The following HNRNPA3 variants were observed in gnomAD, a reference collection of about 807,000 sequenced individuals.
HNRNPA3 encodes heterogeneous nuclear ribonucleoprotein A3, also known as epididymis secretory sperm binding protein.
In HNRNPA3, 3 loss-of-function variants were observed where a neutral mutation model predicts 45.8. The ratio of observed to expected loss-of-function variants is 0.07; its 90% CI spans 0.03 to 0.17. The LOEUF is 0.17. HNRNPA3 is among the 10% of genes least tolerant of loss of function. The pLI, the probability that HNRNPA3 is intolerant of heterozygous loss-of-function variation, is 1.00. For missense variants in HNRNPA3, 183 were observed against 480.3 expected (o/e 0.38, Z 5.79); for synonymous variants, 170 against 155.6 (o/e 1.09, Z -0.69).
In HNRNPA3 at chr2:177,215,911, C is replaced by A. The variant is rs781759160; in HGVS notation, c.342+15C>A. 6.3e-7 allele frequency: 1 copy of A among 1,596,706 alleles called. No homozygotes were observed. The highest frequency in any genetic ancestry group is 1.1e-5 in the South Asian group (1 of 87,402). On this transcript the variant is annotated intron_variant, in intron 3 of 10. Transcript: ENST00000392524. ...TTTCTAGAGAGGTATTTTAATAATACATTGTGTAATATGTGAAATTGTTGT... is the reference window on the plus strand; with the variant it reads ...TTTCTAGAGAGGTATTTTAATAATAAATTGTGTAATATGTGAAATTGTTGT...
At chr2:177,212,964 C>G (rs1165951377) in intron 1 of HNRNPA3, 93 bp downstream of exon 1, 6 of 826,142 alleles carry the variant, frequency 7.3e-6, no homozygotes, top group African/African-American at 5.4e-5. Flanking sequence ...CCGGGTCGGC[C>G]GTCCCGCGCT....
intron 1 of HNRNPA3, among the ~76,000 whole-genome samples, chr2:177,213,190 G>C (rs1283698105): frequency 6.6e-6 from 1 of 152,198 alleles, no homozygotes; most frequent in South Asian, 2.1e-4. Context: ...GGGAGCGGTT[G>C]GGAGGAGGTG....
intron 8 of HNRNPA3, 86 bp downstream of exon 8, chr2:177,217,931 C>T (rs552991414): frequency 3.9e-6 from 5 of 1,278,492 alleles, no homozygotes; most frequent in Non-Finnish European, 5.2e-6. Flanking sequence ...GTGTTAAAAG[C>T]GTTTGATCAA....
chr2:177,214,678 C>A lies in HNRNPA3; in HGVS notation c.73-861C>A, dbSNP rs577815943. ...GGCGCGGTGGCGGGCGCCCGTAGTC[C>A]CAGCTACTCGGGAGGCTGAGGCAGG... On this transcript the variant is annotated intron_variant, in intron 1 of 10. Coordinates refer to ENST00000392524, the Ensembl canonical transcript of HNRNPA3. Among the ~76,000 whole-genome samples the A allele has an allele frequency of 1.1e-4, 17 of 152,270 alleles. No homozygotes were observed. In the East Asian group the frequency reaches 3.3e-3, roughly 29 times the overall value.
At chr2:177,213,999 A>G (rs546813315) in intron 1 of HNRNPA3, among the ~76,000 whole-genome samples, 28 of 152,342 alleles carry the variant, frequency 1.8e-4, no homozygotes, top group South Asian at 6.2e-4. Context: ...GCATGTGACA[A>G]TCTCTTCACA....
chr2:177,214,607 AAC>A (rs1419395416), intron 1 of HNRNPA3, among the ~76,000 whole-genome samples: 1 of 152,172 alleles, frequency 6.6e-6, no homozygotes, highest in African/African-American at 2.4e-5. Flanking sequence ...CATTCTGGCT[AAC>A]ACGGTGAAAC....
chr2:177,218,154 C>T (rs1337756228), intron 8 of HNRNPA3, among the ~76,000 whole-genome samples: 2 of 150,104 alleles, frequency 1.3e-5, no homozygotes, highest in African/African-American at 2.5e-5. Flanking sequence ...CTCCGCCTCC[C>T]GGGTTCATGC....
intron 7 of HNRNPA3, 53 bp from the exon 8 acceptor site, chr2:177,217,652 C>T (rs909844838): frequency 6.2e-6 from 10 of 1,604,558 alleles, no homozygotes; most frequent in South Asian, 2.2e-5. Context: ...AATTGAATAA[C>T]GTGACTATAC....
At chr2:177,218,584 C>G (rs1324022356) in intron 8 of HNRNPA3, among the ~76,000 whole-genome samples, 1 of 152,118 alleles carries the variant, frequency 6.6e-6, no homozygotes, top group Non-Finnish European at 1.5e-5. Flanking sequence ...TACTTTGGGT[C>G]TTAATATAAT....
chr2:177,217,622 G>C (rs1157427262), intron 7 of HNRNPA3, 83 bp from the exon 8 acceptor site: 7 of 1,549,456 alleles, frequency 4.5e-6, no homozygotes, highest in Non-Finnish European at 6.2e-6. Flanking sequence ...GCAAGACCCA[G>C]TCTCTTACAC....
At chr2:177,214,609 C>T (rs949450165) in intron 1 of HNRNPA3, among the ~76,000 whole-genome samples, 4 of 152,166 alleles carry the variant, frequency 2.6e-5, no homozygotes, top group African/African-American at 9.6e-5. Flanking sequence ...TTCTGGCTAA[C>T]ACGGTGAAAC....
chr2:177,214,342 A>AT (rs1245108095), intron 1 of HNRNPA3, among the ~76,000 whole-genome samples: 9 of 152,248 alleles, frequency 5.9e-5, no homozygotes, highest in Non-Finnish European at 8.8e-5. Flanking sequence ...AACATGGGTT[A>AT]TAGAAAGCTA....
Position 177,215,912 on chromosome 2 carries a change from A to G in HNRNPA3, c.342+16A>G, listed in dbSNP as rs753302216. On this transcript the variant is annotated intron_variant, in intron 3 of 10. Transcript: ENST00000392524. Reference sequence around the variant, plus strand: ...TTCTAGAGAGGTATTTTAATAATACATTGTGTAATATGTGAAATTGTTGTG... The same window carrying G: ...TTCTAGAGAGGTATTTTAATAATACGTTGTGTAATATGTGAAATTGTTGTG... The G allele has an allele frequency of 6.6e-5, 105 of 1,596,434 alleles. No individual in the cohort carries two copies. Among genetic ancestry groups the G allele is most frequent in the Non-Finnish European group, 8.8e-5 (103 of 1,174,776 alleles).
chr2:177,216,838 T>A (rs1053859567), intron 6 of HNRNPA3, 22 bp from the exon 7 acceptor site: 97 of 1,612,518 alleles, frequency 6.0e-5, no homozygotes, highest in Non-Finnish European at 8.0e-5. Context: ...ATTATTTTAA[T>A]TCATTTCTTG....
chr2:177,220,724 C>G (rs1689154866), downstream of HNRNPA3: 1 of 152,610 alleles, frequency 6.6e-6, no homozygotes, highest in African/African-American at 2.4e-5. Flanking sequence ...TCCCAAAGAA[C>G]ACACTGTTAT....
chr2:177,215,761 C>T (rs1263058621), exon 3 of HNRNPA3: 4 of 1,608,222 alleles, frequency 2.5e-6, no homozygotes, highest in Non-Finnish European at 3.4e-6. Context: ...TAATGAGAGA[C>T]CCCCAAACAA....
intron 8 of HNRNPA3, 133 bp downstream of exon 8, chr2:177,217,978 G>T: frequency 1.1e-6 from 1 of 891,412 alleles, no homozygotes; most frequent in African/African-American, 1.8e-5. Flanking sequence ...AAAATGGTTG[G>T]TAGTTCAAAC....
At chr2:177,213,495 G>A (rs1330091189) in intron 1 of HNRNPA3, among the ~76,000 whole-genome samples, 1 of 152,216 alleles carries the variant, frequency 6.6e-6, no homozygotes, top group Non-Finnish European at 1.5e-5. Context: ...TCGATAATTG[G>A]CCTTTTCTTT....
chr2:177,212,998 A>T, intron 1 of HNRNPA3, 127 bp downstream of exon 1: 1 of 542,048 alleles, frequency 1.8e-6, no homozygotes, highest in African/African-American at 2.0e-5. Flanking sequence ...AGGCTGTGGG[A>T]GGGGGAGGGG....
Sources: allele counts gnomAD v4.1 joint callset (sites outside exome capture counted in the v4.1 genomes callset), GRCh38; gene constraint gnomAD v4.1.1; transcripts MANE v1.5; gene names NCBI Gene and HGNC (gene_info 2026-07-23, HGNC 2026-07-21).